TRPM3: variants seen among roughly 807,000 people sequenced by gnomAD.
The protein encoded by TRPM3 is transient receptor potential cation channel subfamily M member 3.
A neutral mutation model predicts 181.2 loss-of-function variants in TRPM3; 77 were observed. The observed-to-expected ratio is 0.42, with a 90% CI of 0.35 to 0.51. The LOEUF (loss-of-function observed/expected upper bound fraction) is 0.51. Among genes scored for constraint, TRPM3 ranks in the 20% least tolerant of loss-of-function variants. The probability of loss-of-function intolerance (pLI) is 0.01; values close to 1 mark genes in which losing one functional copy is unlikely to be tolerated. For missense variants in TRPM3, 1,759 were observed against 2,196.7 expected, an observed-to-expected ratio of 0.80 and a Z score of 3.98; for synonymous variants, 745 against 796.4, an observed-to-expected ratio of 0.94 and a Z score of 1.09.
chr9:71,258,865 C>T (rs2082846575), intron 1 of TRPM3, among the ~76,000 whole-genome samples: 1 of 152,008 alleles, frequency 6.6e-6, no homozygotes, highest in African/African-American at 2.4e-5. Flanking sequence ...TGAATTTTTA[C>T]CCTTAATTTT....
At chr9:70,997,736 G>A (rs760218707) in intron 1 of TRPM3, among the ~76,000 whole-genome samples, 20 of 152,084 alleles carry the variant, frequency 1.3e-4, no homozygotes, top group South Asian at 4.1e-4. Flanking sequence ...GTTCCTCAGC[G>A]TACAAGGTTC....
At chr9:70,807,264 C>T (rs756274942) in intron 6 of TRPM3, among the ~76,000 whole-genome samples, 16 of 152,264 alleles carry the variant, frequency 1.1e-4, no homozygotes, top group Non-Finnish European at 2.4e-4. Context: ...CCACGGTGCA[C>T]TGGCTGCTGT....
Position 71,402,208 on chromosome 9 carries a change from G to A in TRPM3, c.183+44445C>T, listed in dbSNP as rs72735846. ...AAATCCAAAGCTATTTAAATATCGA[G>A]TTCACTTGTATGTGTCTAGACAATT... On this transcript the variant is annotated intron_variant, in intron 1 of 24. Coordinates refer to the TRPM3 transcript ENST00000357533. Among the ~76,000 whole-genome samples the A allele has an allele frequency of 7.1e-3, 1,076 of 152,268 alleles. 41 individuals carry two copies. The South Asian group carries it at 0.098, about 14-fold the overall frequency.
Position 71,194,722 on chromosome 9 carries a change from T to C in TRPM3, c.183+251931A>G, listed in dbSNP as rs145224973. ...AATAATACACATACATTGGAAAATA[T>C]GTTTTAGCCATAAACAACTGGTTCC... On this transcript the variant is annotated intron_variant, in intron 1 of 24. Transcript: ENST00000357533. Among the ~76,000 whole-genome samples, 16 of 152,016 alleles carry C rather than the reference T, an allele frequency of 1.1e-4. No individual in the cohort carries two copies. In the East Asian group the frequency reaches 2.5e-3, roughly 24 times the overall value.
intron 1 of TRPM3, among the ~76,000 whole-genome samples, chr9:71,272,768 G>T (rs144662981): frequency 6.2e-4 from 94 of 151,834 alleles, no homozygotes; most frequent in Non-Finnish European, 1.3e-3. Context: ...TTATATTTAT[G>T]CCCTATGTAA....
At chr9:70,910,131 A>G (rs751676544) in intron 1 of TRPM3, among the ~76,000 whole-genome samples, 3 of 152,250 alleles carry the variant, frequency 2.0e-5, no homozygotes, top group Non-Finnish European at 4.4e-5. Flanking sequence ...TATTCATAAT[A>G]GTCTCAAATT....
At chr9:70,908,303 A>G (rs1363426368) in intron 1 of TRPM3, among the ~76,000 whole-genome samples, 4 of 152,238 alleles carry the variant, frequency 2.6e-5, no homozygotes, top group Non-Finnish European at 5.9e-5. Context: ...ATGAGAATCA[A>G]CTATTCAATT....
chr9:70,967,310 G>A (rs902537361), intron 1 of TRPM3, among the ~76,000 whole-genome samples: 2 of 152,034 alleles, frequency 1.3e-5, no homozygotes, highest in African/African-American at 4.8e-5. Flanking sequence ...AGGGAAGGTT[G>A]GAAAGATTTT....
At chr9:71,161,492 C>T (rs763354501) in intron 1 of TRPM3, among the ~76,000 whole-genome samples, 2 of 152,192 alleles carry the variant, frequency 1.3e-5, no homozygotes, top group Non-Finnish European at 2.9e-5. Context: ...AAACATGCAC[C>T]TTACTTCCTG....
chr9:71,172,909 G>T (rs1168866425), intron 1 of TRPM3, among the ~76,000 whole-genome samples: 1 of 152,174 alleles, frequency 6.6e-6, no homozygotes, highest in African/African-American at 2.4e-5. Flanking sequence ...TACTTTAGAG[G>T]TATCTAAAAT....
At chr9:71,210,678 T>C (rs1565345335) in intron 1 of TRPM3, among the ~76,000 whole-genome samples, 1 of 152,214 alleles carries the variant, frequency 6.6e-6, no homozygotes, top group African/African-American at 2.4e-5. Flanking sequence ...TGTTGTTCTC[T>C]ACACAGTTGG....
intron 1 of TRPM3, among the ~76,000 whole-genome samples, chr9:71,136,281 T>C (rs554403704): frequency 2.0e-5 from 3 of 152,286 alleles, no homozygotes; most frequent in South Asian, 4.1e-4. Context: ...TCCTTTAAAG[T>C]TGACTTTGGA....
chr9:71,197,915 C>CT (rs1243930378), intron 1 of TRPM3, among the ~76,000 whole-genome samples: 4 of 150,696 alleles, frequency 2.7e-5, no homozygotes, highest in Non-Finnish European at 5.9e-5. Context: ...GTTGCCATTG[C>CT]TTTTGGTGTT....
chr9:71,059,366 A>G (rs1398737251), intron 1 of TRPM3, among the ~76,000 whole-genome samples: 1 of 151,762 alleles, frequency 6.6e-6, no homozygotes, highest in Non-Finnish European at 1.5e-5. Flanking sequence ...AGTTAATAAA[A>G]CCTTAAAACA....
At chr9:71,095,758 CAA>C (rs34934062) in intron 1 of TRPM3, among the ~76,000 whole-genome samples, 1,054 of 85,254 alleles carry the variant, frequency 0.012, 6 homozygotes, top group African/African-American at 0.041. Context: ...GACTCTGTGT[CAA>C]AAAAAAAAAA....
At chr9:71,408,647 C>T (rs537416336) in intron 1 of TRPM3, among the ~76,000 whole-genome samples, 5 of 152,192 alleles carry the variant, frequency 3.3e-5, no homozygotes, top group East Asian at 1.9e-4. Flanking sequence ...CTGAAAGGGA[C>T]GGGGAGAATG....
At chr9:71,305,443 T>C (rs7023772) in intron 1 of TRPM3, among the ~76,000 whole-genome samples, 127,194 of 152,086 alleles carry the variant, frequency 0.84, 53,278 homozygotes, top group South Asian at 0.86. Context: ...TGTGTCAAGC[T>C]TGCTGATGGC....
intron 1 of TRPM3, among the ~76,000 whole-genome samples, chr9:71,228,846 T>C (rs1427283120): frequency 6.6e-6 from 1 of 152,196 alleles, no homozygotes; most frequent in South Asian, 2.1e-4. Context: ...AGATATTCCA[T>C]GTTCATGGAC....
chr9:71,158,775 A>G (rs2076129949), intron 1 of TRPM3, among the ~76,000 whole-genome samples: 1 of 152,116 alleles, frequency 6.6e-6, no homozygotes, highest in Non-Finnish European at 1.5e-5. Flanking sequence ...TGGCATTTGA[A>G]TTTGTGGACT....
Sources: allele counts gnomAD v4.1 joint callset (sites outside exome capture counted in the v4.1 genomes callset), GRCh38; gene constraint gnomAD v4.1.1; transcripts MANE v1.5; gene names NCBI Gene and HGNC (gene_info 2026-07-23, HGNC 2026-07-21).